Variants in PNKD observed in about 807,000 individuals in gnomAD.
PNKD encodes the protein PNKD metallo-beta-lactamase domain containing, also known as probable thioesterase PNKD.
PNKD carries 36 observed loss-of-function variants against 45.3 expected under a neutral mutation model. That is an observed-to-expected ratio of 0.80 (90% CI 0.61 to 1.05). The LOEUF (loss-of-function observed/expected upper bound fraction) is 1.05. Among genes scored for constraint, PNKD ranks in the 50% least tolerant of loss-of-function variants. PNKD has a pLI of 0.00. For missense variants in PNKD, 511 were observed against 506.6 expected, an observed-to-expected ratio of 1.01 and a Z score of -0.08; for synonymous variants, 197 against 210.1, an observed-to-expected ratio of 0.94 and a Z score of 0.54.
chr2:218,298,750 G>A (rs1693203474), intron 2 of PNKD, among the ~76,000 whole-genome samples: 1 of 152,082 alleles, frequency 6.6e-6, no homozygotes, highest in Non-Finnish European at 1.5e-5. Flanking sequence ...TGCCACCTCT[G>A]CCAGCCAGAA....
At chr2:218,331,799 ATT>A (rs1694330833) in intron 2 of PNKD, among the ~76,000 whole-genome samples, 1 of 152,218 alleles carries the variant, frequency 6.6e-6, no homozygotes, top group South Asian at 2.1e-4. Context: ...ATATAGTCAT[ATT>A]GTTTTCTCTG....
intron 2 of PNKD, chr2:218,282,086 C>G (rs1481518183): frequency 6.3e-7 from 1 of 1,587,102 alleles, no homozygotes; most frequent in East Asian, 2.3e-5. Context: ...GGGCGGAGGG[C>G]CTGGGTACAG....
intron 2 of PNKD, among the ~76,000 whole-genome samples, chr2:218,287,632 C>T (rs1297186137): frequency 6.6e-6 from 1 of 152,108 alleles, no homozygotes; most frequent in East Asian, 1.9e-4. Flanking sequence ...ATCGCTCGAA[C>T]CCGAGAGGCA....
chr2:218,296,671 T>TC (rs1559514470), intron 2 of PNKD, among the ~76,000 whole-genome samples: 1 of 148,422 alleles, frequency 6.7e-6, no homozygotes, highest in African/African-American at 2.6e-5. Flanking sequence ...CTGTTTTTCT[T>TC]TTTCTTTCTT....
intron 2 of PNKD, among the ~76,000 whole-genome samples, chr2:218,334,551 G>C (rs991479334): frequency 4.6e-5 from 7 of 152,212 alleles, no homozygotes; most frequent in African/African-American, 1.7e-4. Context: ...TACTCAGGAG[G>C]CTGAGGCGGG....
chr2:218,271,340 T>A (rs1347605599), intron 1 of PNKD, 41 bp from the exon 2 acceptor site: 8 of 1,596,832 alleles, frequency 5.0e-6, no homozygotes, highest in Non-Finnish European at 6.9e-6. Context: ...CTTGCTTTCT[T>A]CTCATCTCTT....
chr2:218,315,967 C>T (rs1050855325), intron 2 of PNKD, among the ~76,000 whole-genome samples: 12 of 152,214 alleles, frequency 7.9e-5, no homozygotes, highest in Admixed American at 5.2e-4. Context: ...CTAGCTTGGG[C>T]TCTGCTGGGC....
chr2:218,293,816 T>C (rs1394096142), intron 2 of PNKD, among the ~76,000 whole-genome samples: 1 of 151,154 alleles, frequency 6.6e-6, no homozygotes, highest in Non-Finnish European at 1.5e-5. Context: ...TTCACGTTGT[T>C]GCATAGGCTG....
In PNKD at chr2:218,346,488, C is replaced by T. The variant is rs2106300517; in HGVS notation, c.*1507C>T. 1 of 154,194 alleles carries T rather than the reference C, an allele frequency of 6.5e-6. No individual in the cohort carries two copies. The highest frequency in any genetic ancestry group is 1.9e-4 in the East Asian group (1 of 5,192). 9.6% of individuals were successfully genotyped at this position (154,194 alleles called of 1,614,324 possible). A position where few individuals can be genotyped will look rare whatever the true frequency, so the allele number is the denominator to read the frequency against. ...TTTCTTCCGACTGGAATGCCTTCCC[C>T]TGCTCCTCCTGCCTTGTCTGCCTGG... is the stretch of plus-strand genomic sequence containing the variant. On this transcript the variant is annotated 3_prime_UTR_variant, in exon 10 of 10. Coordinates refer to ENST00000273077, the MANE Select transcript of PNKD (RefSeq NM_015488.5).
At chr2:218,275,699 T>A in intron 2 of PNKD, 1 of 1,535,772 alleles carries the variant, frequency 6.5e-7, no homozygotes, top group South Asian at 1.2e-5. Context: ...AGATTTGTCT[T>A]GGGGGCCTAT....
intron 2 of PNKD, among the ~76,000 whole-genome samples, chr2:218,288,763 G>C (rs556965237): frequency 6.6e-6 from 1 of 152,290 alleles, no homozygotes; most frequent in South Asian, 2.1e-4. Context: ...TGCTCGAGTA[G>C]GAGAGTAAAG....
intron 2 of PNKD, chr2:218,279,366 G>T: frequency 6.5e-7 from 1 of 1,548,460 alleles, no homozygotes; most frequent in Non-Finnish European, 8.7e-7. Context: ...GGACACAGAC[G>T]GCCGGGCATG....
At chr2:218,280,148 C>T (rs1388544277) in intron 2 of PNKD, 7 of 1,574,602 alleles carry the variant, frequency 4.4e-6, no homozygotes, top group Non-Finnish European at 5.2e-6. Flanking sequence ...TGACACTTGA[C>T]TCAGCTGGGG....
At chr2:218,321,619 T>C (rs1361128136) in intron 2 of PNKD, among the ~76,000 whole-genome samples, 1 of 143,870 alleles carries the variant, frequency 7.0e-6, no homozygotes, top group Non-Finnish European at 1.5e-5. Flanking sequence ...AAAGGTGAGC[T>C]TGACTTTTTT....
At chr2:218,341,767 A>G in intron 6 of PNKD, 141 bp downstream of exon 6, 1 of 780,848 alleles carries the variant, frequency 1.3e-6, no homozygotes, top group East Asian at 2.7e-5. Flanking sequence ...CTATCTGAAG[A>G]CTGGCACTGC....
chr2:218,303,945 C>G (rs1340903540), intron 2 of PNKD, among the ~76,000 whole-genome samples: 1 of 152,056 alleles, frequency 6.6e-6, no homozygotes, highest in Admixed American at 6.6e-5. Context: ...TCTTCTCCAC[C>G]CTGCTTGGAG....
At chr2:218,284,616 C>T (rs1692352587) in intron 2 of PNKD, among the ~76,000 whole-genome samples, 1 of 152,236 alleles carries the variant, frequency 6.6e-6, no homozygotes, top group Non-Finnish European at 1.5e-5. Flanking sequence ...AGTAGGCCTG[C>T]CTGCACTGCA....
intron 2 of PNKD, among the ~76,000 whole-genome samples, chr2:218,306,344 A>G (rs1197237902): frequency 6.6e-6 from 1 of 152,178 alleles, no homozygotes; most frequent in Admixed American, 6.5e-5. Flanking sequence ...GCAATGGGAA[A>G]TGGAGGCAAA....
At chr2:218,272,974 G>A in intron 2 of PNKD, 1 of 1,400,466 alleles carries the variant, frequency 7.1e-7, no homozygotes, top group Non-Finnish European at 9.4e-7. Context: ...GAGTCCCTTG[G>A]GATGGGAGGG....
Sources: gnomAD v4.1 joint callset for allele counts (sites outside exome capture counted in the v4.1 genomes callset) on GRCh38, gnomAD v4.1.1 for gene constraint, MANE v1.5 for transcripts, NCBI Gene and HGNC (gene_info 2026-07-23, HGNC 2026-07-21) for gene names.